FBXL17: variants seen among roughly 807,000 people sequenced by gnomAD.
FBXL17 encodes F-box and leucine rich repeat protein 17, also known as F-box/LRR-repeat protein 17.
In FBXL17, 22 loss-of-function variants were observed where a neutral mutation model predicts 66.2. That is an observed-to-expected ratio of 0.33 (90% CI 0.24 to 0.47). FBXL17 has a LOEUF of 0.47. Among genes scored for constraint, FBXL17 ranks in the 20% least tolerant of loss-of-function variants. FBXL17 has a pLI of 1.00. For missense variants in FBXL17, 878 were observed against 948.2 expected (o/e 0.93, Z 0.97); for synonymous variants, 474 against 400.5 (o/e 1.18, Z -2.19).
At chr5:107,933,352 T>G (rs1750795737) in intron 7 of FBXL17, among the ~76,000 whole-genome samples, 1 of 152,146 alleles carries the variant, frequency 6.6e-6, no homozygotes, top group Admixed American at 6.6e-5. Context: ...GGTATGTGCA[T>G]CACAAATATT....
intron 6 of FBXL17, among the ~76,000 whole-genome samples, chr5:108,030,320 G>T (rs958766743): frequency 6.6e-6 from 1 of 152,124 alleles, no homozygotes; most frequent in African/African-American, 2.4e-5. Context: ...GACTGATAGA[G>T]ACCACAGGGA....
intron 6 of FBXL17, among the ~76,000 whole-genome samples, chr5:108,155,703 T>A (rs1246476741): frequency 6.6e-6 from 1 of 152,144 alleles, no homozygotes; most frequent in Non-Finnish European, 1.5e-5. Context: ...TAGCTCCTAG[T>A]CCATAAACTG....
At position 108,232,883 on chromosome 5, in the gene FBXL17, T is replaced by A. The variant is rs997338215; in HGVS notation, c.1507-8655A>T. On this transcript the variant is annotated intron_variant, in intron 4 of 8. Transcript: ENST00000542267. ...TATTCATTTTATTAATGAGTAGAAT[T>A]CCACTGTATGGATATACTACATCTT... Among the ~76,000 whole-genome samples the A allele has an allele frequency of 4.7e-5, 7 of 148,864 alleles. No homozygotes were observed. In the East Asian group the frequency reaches 1.2e-3, roughly 25 times the overall value.
At chr5:108,355,223 T>A (rs562179235) in intron 3 of FBXL17, among the ~76,000 whole-genome samples, 204 of 151,924 alleles carry the variant, frequency 1.3e-3, no homozygotes, top group Non-Finnish European at 2.2e-3. Context: ...CTTATATATG[T>A]GAAGTAAATA....
chr5:107,989,681 T>C (rs1396431327), intron 7 of FBXL17, among the ~76,000 whole-genome samples: 1 of 152,146 alleles, frequency 6.6e-6, no homozygotes, highest in African/African-American at 2.4e-5. Context: ...GATCATATGG[T>C]AGTTCTACGT....
intron 8 of FBXL17, among the ~76,000 whole-genome samples, chr5:107,871,808 G>A (rs1319647083): frequency 1.3e-5 from 2 of 150,942 alleles, no homozygotes; most frequent in East Asian, 3.9e-4. Context: ...TAGTCACTAA[G>A]TAAGTGGTAA....
chr5:108,009,308 T>TAGATAGATATATATACACAC lies in FBXL17; in HGVS notation c.1822+11616_1822+11617insGTGTGTATATATATCTATCT. 2.1e-4 allele frequency among the ~76,000 whole-genome samples: 9 copies of TAGATAGATATATATACACAC among 42,208 alleles called. 2 individuals are homozygous for TAGATAGATATATATACACAC. Among genetic ancestry groups the TAGATAGATATATATACACAC allele is most frequent in the African/African-American group, 7.9e-4 (9 of 11,326 alleles). 27.7% of individuals were successfully genotyped at this position (42,208 alleles called of 152,430 possible). On this transcript the variant is annotated intron_variant, in intron 7 of 8. Transcript: ENST00000542267. ...ATATATATATATATATATACATATATACATACACATATAGTTTTGCTTTTG... is the reference window on the plus strand; with the variant it reads ...ATATATATATATATATATACATATATAGATAGATATATATACACACACATACACATATAGTTTTGCTTTTG...
intron 7 of FBXL17, among the ~76,000 whole-genome samples, chr5:108,005,644 T>A (rs1171320829): frequency 6.6e-6 from 1 of 152,208 alleles, no homozygotes; most frequent in African/African-American, 2.4e-5. Context: ...TATAAGCAAC[T>A]ATTATTGCTT....
intron 6 of FBXL17, among the ~76,000 whole-genome samples, chr5:108,138,408 T>C (rs903138597): frequency 2.0e-5 from 3 of 152,172 alleles, no homozygotes; most frequent in Non-Finnish European, 4.4e-5. Flanking sequence ...TGGTAAAAGA[T>C]TTTGTGTGGG....
At chr5:108,331,656 T>A (rs1199693172) in intron 4 of FBXL17, among the ~76,000 whole-genome samples, 1 of 152,194 alleles carries the variant, frequency 6.6e-6, no homozygotes, top group Non-Finnish European at 1.5e-5. Flanking sequence ...TACACATTGA[T>A]AAGTAAAACA....
chr5:107,923,148 G>A (rs1288711161), intron 7 of FBXL17, among the ~76,000 whole-genome samples: 1 of 152,030 alleles, frequency 6.6e-6, no homozygotes, highest in Non-Finnish European at 1.5e-5. Flanking sequence ...GGGAGGAGGA[G>A]AAGGAAAAAA....
At chr5:107,873,807 G>A (rs576072559) in intron 8 of FBXL17, among the ~76,000 whole-genome samples, 1 of 152,262 alleles carries the variant, frequency 6.6e-6, no homozygotes, top group African/African-American at 2.4e-5. Context: ...ATTATTTACT[G>A]CAAAGCAATG....
At chr5:108,140,798 C>T (rs1051365671) in intron 6 of FBXL17, among the ~76,000 whole-genome samples, 5 of 152,174 alleles carry the variant, frequency 3.3e-5, no homozygotes, top group African/African-American at 9.6e-5. Context: ...TGAATGGTAC[C>T]ACCCAATTAC....
intron 6 of FBXL17, among the ~76,000 whole-genome samples, chr5:108,155,510 G>A (rs534375616): frequency 1.6e-4 from 25 of 151,978 alleles, no homozygotes; most frequent in Admixed American, 7.2e-4. Context: ...GCAAGACTCC[G>A]TCTCAAAAAA....
In FBXL17 at chr5:107,902,479, T is replaced by C. The variant is rs377165061; in HGVS notation, c.1823-21300A>G. ...AGAGACACAGGTAAGAAAGAGCAGT[T>C]GCCATGTGTTATTATCCTACCACAG... On this transcript the variant is annotated intron_variant, in intron 7 of 8. Coordinates refer to ENST00000542267, the MANE Select transcript of FBXL17 (RefSeq NM_001163315.3). Among the ~76,000 whole-genome samples the C allele has an allele frequency of 1.8e-4, 27 of 152,306 alleles. No homozygotes were observed. In the East Asian group the frequency reaches 4.2e-3, roughly 24 times the overall value.
chr5:108,109,338 T>C (rs1015505812), intron 6 of FBXL17, among the ~76,000 whole-genome samples: 3 of 151,690 alleles, frequency 2.0e-5, no homozygotes, highest in African/African-American at 7.3e-5. Flanking sequence ...GTGCCCACTC[T>C]ATATCCACAA....
At chr5:108,121,733 A>G (rs1750510061) in intron 6 of FBXL17, among the ~76,000 whole-genome samples, 1 of 151,918 alleles carries the variant, frequency 6.6e-6, no homozygotes, top group Non-Finnish European at 1.5e-5. Context: ...ATTTTTTTGT[A>G]TTTTTAGTAG....
chr5:108,358,334 G>C (rs1411229654), intron 3 of FBXL17, among the ~76,000 whole-genome samples: 1 of 152,054 alleles, frequency 6.6e-6, no homozygotes, highest in Non-Finnish European at 1.5e-5. Context: ...TCTTTATTAT[G>C]ATGAGGAAGC....
intron 7 of FBXL17, among the ~76,000 whole-genome samples, chr5:107,979,336 A>G (rs1415340147): frequency 6.6e-6 from 1 of 152,188 alleles, no homozygotes; most frequent in African/African-American, 2.4e-5. Context: ...AGTCAAGCTA[A>G]TCATATCATT....
Sources: gnomAD v4.1 joint callset for allele counts (sites outside exome capture counted in the v4.1 genomes callset) on GRCh38, gnomAD v4.1.1 for gene constraint, MANE v1.5 for transcripts, NCBI Gene and HGNC (gene_info 2026-07-23, HGNC 2026-07-21) for gene names.